Variants in CSRNP3 observed in about 807,000 individuals in gnomAD.
CSRNP3 encodes cysteine/serine-rich nuclear protein 3.
A neutral mutation model predicts 48.0 loss-of-function variants in CSRNP3; 12 were observed. The observed-to-expected ratio is 0.25, with a 90% CI of 0.16 to 0.41. The LOEUF is 0.41. Among genes scored for constraint, CSRNP3 ranks in the 10% least tolerant of loss-of-function variants. The probability of loss-of-function intolerance (pLI) is 1.00; values close to 1 mark genes in which losing one functional copy is unlikely to be tolerated. For missense variants in CSRNP3, 580 were observed against 724.4 expected (o/e 0.80, Z 2.29); for synonymous variants, 263 against 269.7 (o/e 0.98, Z 0.24).
At position 165,480,774 on chromosome 2, in the gene CSRNP3, T is replaced by TTATATATTA. The variant is rs1220874149; in HGVS notation, c.-283+11042_-283+11050dup. On this transcript the variant is annotated intron_variant, in intron 1 of 6. Transcript: ENST00000651982. ...TATATATTTTATATTATATAAAATT[T>TTATATATTA]TATATATTATATATATAATATATAT... Among the ~76,000 whole-genome samples, 11 of 119,862 alleles carry TTATATATTA rather than the reference T, an allele frequency of 9.2e-5. No individual in the cohort carries two copies. In the East Asian group the frequency reaches 2.8e-3, roughly 31 times the overall value. The allele number at this position is 119,862 out of a possible 152,430, so 78.6% of individuals were successfully genotyped here.
At chr2:165,659,704 C>T (rs1327981298) in intron 5 of CSRNP3, among the ~76,000 whole-genome samples, 3 of 152,160 alleles carry the variant, frequency 2.0e-5, no homozygotes, top group South Asian at 2.1e-4. Flanking sequence ...TTAATGACAA[C>T]GAAAATCTTT....
At chr2:165,469,791 A>G (rs1240352241) in intron 1 of CSRNP3, 51 bp downstream of exon 1, 1 of 152,274 alleles carries the variant, frequency 6.6e-6, no homozygotes, top group Non-Finnish European at 1.5e-5. Context: ...TTTTCTTTAA[A>G]AGAGAATGCT....
intron 1 of CSRNP3, among the ~76,000 whole-genome samples, chr2:165,472,491 CA>C (rs985784889): frequency 8.6e-5 from 13 of 150,808 alleles, no homozygotes; most frequent in East Asian, 3.9e-4. Context: ...TTTCTCTATA[CA>C]AAAAAAAATC....
At chr2:165,645,390 T>C (rs1686794346) in intron 4 of CSRNP3, among the ~76,000 whole-genome samples, 1 of 152,040 alleles carries the variant, frequency 6.6e-6, no homozygotes, top group Non-Finnish European at 1.5e-5. Flanking sequence ...TTCATGAGAG[T>C]GCCACCCCCA....
intron 4 of CSRNP3, among the ~76,000 whole-genome samples, chr2:165,628,239 T>G (rs907725367): frequency 1.4e-4 from 22 of 152,182 alleles, no homozygotes; most frequent in Non-Finnish European, 2.6e-4. Flanking sequence ...CAACCCCTAC[T>G]ACAAACATAC....
rs528234738 is a variant in CSRNP3, at chr2:165,486,087, C to T, written c.-282-8672C>T. Reference sequence around the variant, plus strand: ...CAGTGGGCGCAGGCCAGTGGGTGCGCGCACCGTGCGCGAGCCGAAGCAGGG... The same window carrying T: ...CAGTGGGCGCAGGCCAGTGGGTGCGTGCACCGTGCGCGAGCCGAAGCAGGG... On this transcript the variant is annotated intron_variant, in intron 1 of 6. Transcript: ENST00000651982. 4.2e-3 allele frequency among the ~76,000 whole-genome samples: 639 copies of T among 151,880 alleles called. 1 individual carries two copies. Among genetic ancestry groups the T allele is most frequent in the Non-Finnish European group, 7.0e-3 (474 of 67,982 alleles).
intron 4 of CSRNP3, among the ~76,000 whole-genome samples, chr2:165,647,553 T>C (rs1686834167): frequency 6.6e-6 from 1 of 152,176 alleles, no homozygotes; most frequent in East Asian, 1.9e-4. Context: ...TTGATCAAAA[T>C]TCTTTAAAAT....
chr2:165,546,609 A>G (rs1021484647), intron 3 of CSRNP3, among the ~76,000 whole-genome samples: 11 of 152,164 alleles, frequency 7.2e-5, no homozygotes, highest in Non-Finnish European at 1.3e-4. Flanking sequence ...ATTCAGAACT[A>G]TTTTCTGGGG....
At chr2:165,673,424 C>G (rs1292689470) in intron 5 of CSRNP3, among the ~76,000 whole-genome samples, 1 of 151,962 alleles carries the variant, frequency 6.6e-6, no homozygotes, top group Non-Finnish European at 1.5e-5. Context: ...AGGCATGAGC[C>G]ACCACAGCTG....
At position 165,674,659 on chromosome 2, in the gene CSRNP3, CAT is replaced by C. The variant is rs1172788530; in HGVS notation, c.409-1643_409-1642del. On this transcript the variant is annotated intron_variant, in intron 5 of 6. Transcript: ENST00000651982. ...ATATATTTATACCTTATAAAGTATT[CAT>C]ATATATATAAATACTTCTGAATATA... Among the ~76,000 whole-genome samples, 390 of 114,018 alleles carry C rather than the reference CAT, an allele frequency of 3.4e-3. 1 individual carries two copies. The highest frequency in any genetic ancestry group is 0.013 in the African/African-American group (339 of 26,682). The allele number at this position is 114,018 out of a possible 152,430, so 74.8% of individuals were successfully genotyped here.
chr2:165,657,978 A>T lies in CSRNP3; in HGVS notation c.366A>T (p.Arg122Ser). 6.2e-7 allele frequency: 1 copy of T among 1,613,920 alleles called. No homozygotes were observed. The highest frequency in any genetic ancestry group is 2.2e-5 in the East Asian group (1 of 44,834). ...AGAGGCTCCACCGGGAGATGTTGAGAGAACACCTTAGGGAGGAAAAGCTGA... is the reference window on the plus strand; with the variant it reads ...AGAGGCTCCACCGGGAGATGTTGAGTGAACACCTTAGGGAGGAAAAGCTGA... ...EQERLHREML[R>S]EHLREEKLNS... Residue 122 changes from arginine to serine, a missense_variant, in exon 5 of 7, where the codon AGA becomes AGT. Physicochemically the swap from Arg to Ser is moderately radical, Grantham distance 110. Coordinates refer to ENST00000651982, the MANE Select transcript of CSRNP3 (RefSeq NM_001172173.2).
intron 3 of CSRNP3, chr2:165,574,394 A>G (rs769996080): frequency 2.6e-5 from 40 of 1,550,234 alleles, no homozygotes; most frequent in African/African-American, 1.4e-5. Context: ...TGAAGATTTT[A>G]CAGCGTGTGT....
At chr2:165,644,619 T>C (rs960551146) in intron 4 of CSRNP3, among the ~76,000 whole-genome samples, 1 of 152,098 alleles carries the variant, frequency 6.6e-6, no homozygotes, top group African/African-American at 2.4e-5. Context: ...ATTTTTATTA[T>C]CAGTATCGAA....
chr2:165,681,720 A>AATATAT lies in CSRNP3; in HGVS notation c.*1972_*1973insTATATA, dbSNP rs1451100297. Reference sequence around the variant, plus strand: ...AGAATGAGGATTTGTTGAAATCTCAAATATACATATATATATATATATATA... The same window carrying AATATAT: ...AGAATGAGGATTTGTTGAAATCTCAAATATATATATACATATATATATATATATATA... On this transcript the variant is annotated 3_prime_UTR_variant, in exon 7 of 7. Coordinates refer to ENST00000651982, the MANE Select transcript of CSRNP3 (RefSeq NM_001172173.2). 3 of 77,208 alleles carry AATATAT rather than the reference A, an allele frequency of 3.9e-5. No individual in the cohort carries two copies. Among genetic ancestry groups the AATATAT allele is most frequent in the African/African-American group, 5.5e-5 (1 of 18,214 alleles). 4.8% of individuals were successfully genotyped at this position (77,208 alleles called of 1,614,324 possible). A position where few individuals can be genotyped will look rare whatever the true frequency, so the allele number is the denominator to read the frequency against.
intron 5 of CSRNP3, among the ~76,000 whole-genome samples, chr2:165,674,710 AT>A (rs1558970797): frequency 3.4e-4 from 48 of 139,552 alleles, no homozygotes; most frequent in Non-Finnish European, 3.1e-4. Flanking sequence ...ATATATATAT[AT>A]ATAATTTGTT....
At chr2:165,507,319 AG>A (rs1225398405) in intron 2 of CSRNP3, among the ~76,000 whole-genome samples, 1 of 152,160 alleles carries the variant, frequency 6.6e-6, no homozygotes, top group African/African-American at 2.4e-5. Flanking sequence ...AAAGTCACAG[AG>A]GTTAGAAATT....
At chr2:165,652,189 A>T (rs1686922280) in intron 4 of CSRNP3, among the ~76,000 whole-genome samples, 1 of 152,134 alleles carries the variant, frequency 6.6e-6, no homozygotes, top group Admixed American at 6.5e-5. Flanking sequence ...ATGTTGGGAT[A>T]AAAGAAAAGG....
chr2:165,661,111 T>C (rs958324852), intron 5 of CSRNP3, among the ~76,000 whole-genome samples: 10 of 152,202 alleles, frequency 6.6e-5, no homozygotes, highest in Non-Finnish European at 1.3e-4. Context: ...GTGGTTTAGC[T>C]ATCCAAAGCC....
chr2:165,579,176 G>A (rs986982176), intron 3 of CSRNP3, among the ~76,000 whole-genome samples: 12 of 152,150 alleles, frequency 7.9e-5, no homozygotes, highest in African/African-American at 2.2e-4. Flanking sequence ...AGGAAAAGAT[G>A]TGTTTTCCAA....
Sources: allele counts gnomAD v4.1 joint callset (sites outside exome capture counted in the v4.1 genomes callset), GRCh38; gene constraint gnomAD v4.1.1; transcripts MANE v1.5; gene names NCBI Gene and HGNC (gene_info 2026-07-23, HGNC 2026-07-21).